The following EZH2 variants were observed in gnomAD, a reference collection of about 807,000 sequenced individuals.
EZH2 encodes histone-lysine N-methyltransferase EZH2.
Under a neutral mutation model 98.4 loss-of-function variants are expected in EZH2, and 18 were observed. That is an observed-to-expected ratio of 0.18 (90% CI 0.13 to 0.27). EZH2 has a LOEUF of 0.27. Among genes scored for constraint, EZH2 ranks in the 10% least tolerant of loss-of-function variants. The pLI, the probability that EZH2 is intolerant of heterozygous loss-of-function variation, is 1.00. For missense variants in EZH2, 470 were observed against 935.1 expected, an observed-to-expected ratio of 0.50 and a Z score of 6.49; for synonymous variants, 338 against 312.3, an observed-to-expected ratio of 1.08 and a Z score of -0.87.
intron 9 of EZH2, 109 bp from the exon 10 acceptor site, chr7:148,818,226 A>T: frequency 2.7e-6 from 3 of 1,113,886 alleles, no homozygotes; most frequent in Non-Finnish European, 3.8e-6. Context: ...GTATCACATT[A>T]TCCATTTATC....
At chr7:148,883,448 G>C (rs982384981) in intron 1 of EZH2, 2 of 152,252 alleles carry the variant, frequency 1.3e-5, no homozygotes, top group African/African-American at 4.8e-5. Context: ...GGGATTTCGG[G>C]GTGCGTCGTG....
intron 16 of EZH2, among the ~76,000 whole-genome samples, chr7:148,810,896 C>CAAAAAAAAAAAAA (rs924758768): frequency 3.2e-4 from 14 of 43,672 alleles, no homozygotes; most frequent in African/African-American, 1.1e-3. Flanking sequence ...AACTCTGTCT[C>CAAAAAAAAAAAAA]AAAAAAAAAA....
At chr7:148,811,809 A>G in intron 15 of EZH2, 89 bp from the exon 16 acceptor site, 1 of 1,080,048 alleles carries the variant, frequency 9.3e-7, no homozygotes, top group Non-Finnish European at 1.4e-6. Context: ...AACAAAAGCT[A>G]TCACTGTAAA....
At chr7:148,817,781 C>T (rs1328543804) in intron 10 of EZH2, 96 bp downstream of exon 10, 2 of 1,525,132 alleles carry the variant, frequency 1.3e-6, no homozygotes, top group Admixed American at 1.7e-5. Flanking sequence ...CTGAAACTAA[C>T]CAACTAAGAA....
intron 8 of EZH2, among the ~76,000 whole-genome samples, chr7:148,824,682 T>C (rs906136337): frequency 6.6e-6 from 1 of 152,254 alleles, no homozygotes; most frequent in Non-Finnish European, 1.5e-5. Context: ...TAATGATTTA[T>C]TTAGTAACTT....
intron 1 of EZH2, among the ~76,000 whole-genome samples, chr7:148,874,896 CAAAA>C (rs546277839): frequency 1.2e-5 from 1 of 81,440 alleles, no homozygotes. Context: ...GACTCCGTCT[CAAAA>C]AAAAAAAAAA....
intron 1 of EZH2, among the ~76,000 whole-genome samples, chr7:148,877,448 A>C (rs1419863686): frequency 6.6e-6 from 1 of 152,236 alleles, no homozygotes; most frequent in Non-Finnish European, 1.5e-5. Flanking sequence ...ATATTGGCAC[A>C]ATAACTGAAA....
chr7:148,862,614 A>C (rs1358290786), intron 1 of EZH2, among the ~76,000 whole-genome samples: 1 of 152,214 alleles, frequency 6.6e-6, no homozygotes, highest in African/African-American at 2.4e-5. Flanking sequence ...TTTCCATGAA[A>C]AAAGTGGCTA....
chr7:148,818,177 GAAA>G, intron 9 of EZH2, 60 bp from the exon 10 acceptor site: 1 of 1,458,308 alleles, frequency 6.9e-7, no homozygotes, highest in Non-Finnish European at 9.1e-7. Context: ...TGATGGAAGA[GAAA>G]AAAAAATACT....
intron 3 of EZH2, among the ~76,000 whole-genome samples, chr7:148,843,794 A>G (rs1478579099): frequency 6.6e-6 from 1 of 151,372 alleles, no homozygotes; most frequent in Non-Finnish European, 1.5e-5. Flanking sequence ...ACGGGGTTTC[A>G]CCTTGTTAGC....
At chr7:148,856,614 T>C (rs1018800116) in intron 1 of EZH2, among the ~76,000 whole-genome samples, 4 of 152,068 alleles carry the variant, frequency 2.6e-5, no homozygotes, top group Non-Finnish European at 2.9e-5. Flanking sequence ...ATTCTAGGGT[T>C]GGGACAGGGA....
chr7:148,816,247 A>C (rs1804515228), intron 12 of EZH2, among the ~76,000 whole-genome samples: 1 of 152,218 alleles, frequency 6.6e-6, no homozygotes, highest in Admixed American at 6.5e-5. Context: ...CACAAGCTTA[A>C]AGTAGGGTAC....
chr7:148,877,920 T>G (rs534615778), intron 1 of EZH2, among the ~76,000 whole-genome samples: 4 of 152,194 alleles, frequency 2.6e-5, no homozygotes, highest in African/African-American at 9.6e-5. Flanking sequence ...AGATAATATG[T>G]AGTGAAACAG....
rs991609148 is a variant in EZH2 at position 148,850,381 on chromosome 7, T to C, written c.-7-3076A>G. The stretch of plus-strand genomic sequence containing the variant: ...TGAAGACATTAGTTAGCATTTTATG[T>C]TTTAGTACTAGAACTGTCCTTGTCT... On this transcript the variant is annotated intron_variant, in intron 1 of 19. Transcript: ENST00000320356. 3 of 505,218 alleles carry C rather than the reference T, an allele frequency of 5.9e-6. No homozygotes were observed. The Admixed American group carries it at 1.9e-4, about 32-fold the overall frequency. 31.3% of individuals were successfully genotyped at this position (505,218 alleles called of 1,614,324 possible). A position where few individuals can be genotyped will look rare whatever the true frequency, so the allele number is the denominator to read the frequency against.
chr7:148,824,925 C>T (rs914514393), intron 8 of EZH2, among the ~76,000 whole-genome samples: 5 of 152,044 alleles, frequency 3.3e-5, no homozygotes, highest in Admixed American at 2.6e-4. Flanking sequence ...CACTGTTCTC[C>T]CCAGCTAGAA....
In EZH2 at chr7:148,872,938, C is replaced by G. The variant is rs532900599; in HGVS notation, c.-8+11226G>C. ...GGATAAAGATCACTGGGATCTGATT[C>G]AAGCCTATAATCCCAGCTTTGGGAG... On this transcript the variant is annotated intron_variant, in intron 1 of 19. Coordinates refer to ENST00000320356, the MANE Select transcript of EZH2 (RefSeq NM_004456.5). Among the ~76,000 whole-genome samples the G allele has an allele frequency of 9.9e-5, 15 of 152,038 alleles. 1 individual carries two copies. Among genetic ancestry groups the G allele is most frequent in the Middle Eastern group, 6.8e-3 (2 of 292 alleles).
intron 13 of EZH2, 99 bp from the exon 14 acceptor site, chr7:148,815,138 T>A: frequency 1.4e-6 from 2 of 1,437,796 alleles, no homozygotes; most frequent in South Asian, 2.7e-5. Context: ...ACCTGTGGAG[T>A]GTAGCTGGCC....
In EZH2 at chr7:148,867,612, A is replaced by G. The variant is rs186205024; in HGVS notation, c.-8+16552T>C. The stretch of plus-strand genomic sequence containing the variant: ...CAAGGCTTTTAGGGGAGGAAAAAGC[A>G]TTTTACCCCATGTATCGTCCTCTTA... On this transcript the variant is annotated intron_variant, in intron 1 of 19. Transcript: ENST00000320356. Among the ~76,000 whole-genome samples, 7 of 152,292 alleles carry G rather than the reference A, an allele frequency of 4.6e-5. No homozygotes were observed. The East Asian group carries it at 1.4e-3, about 29-fold the overall frequency.
intron 1 of EZH2, among the ~76,000 whole-genome samples, chr7:148,854,481 G>A (rs1585208505): frequency 6.6e-6 from 1 of 151,278 alleles, no homozygotes; most frequent in African/African-American, 2.4e-5. Context: ...GCTAAATCAA[G>A]GGAATGACCA....
Sources: gnomAD v4.1 joint callset for allele counts (sites outside exome capture counted in the v4.1 genomes callset) on GRCh38, gnomAD v4.1.1 for gene constraint, MANE v1.5 for transcripts, NCBI Gene and HGNC (gene_info 2026-07-23, HGNC 2026-07-21) for gene names.